COL21A1: variants seen among roughly 807,000 people sequenced by gnomAD.
The protein encoded by COL21A1 is collagen type XXI alpha 1 chain.
Under a neutral mutation model 137.9 loss-of-function variants are expected in COL21A1, and 149 were observed. The observed-to-expected ratio is 1.08, with a 90% CI of 0.95 to 1.24. The LOEUF (loss-of-function observed/expected upper bound fraction) is 1.24. Among genes scored for constraint, COL21A1 ranks in the 50% most tolerant of loss-of-function variants. The pLI is 0.00. For synonymous variants in COL21A1, 456 were observed against 391.5 expected, an observed-to-expected ratio of 1.16 and a Z score of -1.95; for missense variants, 1,167 against 1,158.4, an observed-to-expected ratio of 1.01 and a Z score of -0.11.
chr6:56,131,876 T>A (rs1773579727), intron 12 of COL21A1, among the ~76,000 whole-genome samples: 1 of 152,158 alleles, frequency 6.6e-6, no homozygotes, highest in African/African-American at 2.4e-5. Context: ...AGACTTAACA[T>A]GAAAACAAAG....
chr6:56,131,594 A>T (rs2152223059), intron 12 of COL21A1, among the ~76,000 whole-genome samples: 1 of 152,182 alleles, frequency 6.6e-6, no homozygotes, highest in Non-Finnish European at 1.5e-5. Flanking sequence ...AGGTTCAATA[A>T]ATCCTGTCAA....
At chr6:56,277,938 C>T (rs981578280) in intron 1 of COL21A1, among the ~76,000 whole-genome samples, 9 of 152,138 alleles carry the variant, frequency 5.9e-5, no homozygotes, top group African/African-American at 2.2e-4. Flanking sequence ...TGTTAATTCT[C>T]ATATGTTTTT....
At chr6:56,266,346 G>A (rs1290932254) in intron 1 of COL21A1, among the ~76,000 whole-genome samples, 1 of 152,150 alleles carries the variant, frequency 6.6e-6, no homozygotes, top group Non-Finnish European at 1.5e-5. Context: ...TGGTACCTGT[G>A]TTTATAAATA....
At chr6:56,098,011 AAATATATATAAATATATATG>A (rs1338754299) in intron 17 of COL21A1, among the ~76,000 whole-genome samples, 2 of 68,478 alleles carry the variant, frequency 2.9e-5, no homozygotes, top group African/African-American at 1.4e-4. Flanking sequence ...ATAAATATAT[AAATATATATAAATATATATG>A]TAAATATATA....
At chr6:56,273,426 A>G (rs1763573202) in intron 1 of COL21A1, among the ~76,000 whole-genome samples, 1 of 152,246 alleles carries the variant, frequency 6.6e-6, no homozygotes, top group South Asian at 2.1e-4. Context: ...TAAAAGATCA[A>G]TGAAACCAAA....
intron 1 of COL21A1, among the ~76,000 whole-genome samples, chr6:56,284,118 G>A (rs1010132042): frequency 6.6e-6 from 1 of 152,158 alleles, no homozygotes; most frequent in African/African-American, 2.4e-5. Flanking sequence ...CACCATCTCA[G>A]TTCGTTGCAA....
At chr6:56,348,217 C>A in intron 1 of COL21A1, among the ~76,000 whole-genome samples, 1 of 152,040 alleles carries the variant, frequency 6.6e-6, no homozygotes, top group South Asian at 2.1e-4. Flanking sequence ...CCTTAAGAAG[C>A]TAAGAGTCCA....
chr6:56,086,085 G>A (rs779686975), intron 17 of COL21A1, among the ~76,000 whole-genome samples: 5 of 151,338 alleles, frequency 3.3e-5, no homozygotes, highest in East Asian at 1.9e-4. Flanking sequence ...TTAAATTTAC[G>A]ATTATCTACT....
chr6:56,361,703 A>T (rs77343060), intron 1 of COL21A1, among the ~76,000 whole-genome samples: 1 of 151,416 alleles, frequency 6.6e-6, no homozygotes, highest in Non-Finnish European at 1.5e-5. Flanking sequence ...ATAAAAAAAA[A>T]TCAAAAAGTC....
intron 1 of COL21A1, among the ~76,000 whole-genome samples, chr6:56,329,284 C>A (rs1033751673): frequency 6.6e-6 from 1 of 152,028 alleles, no homozygotes; most frequent in African/African-American, 2.4e-5. Context: ...GATGCACACA[C>A]ACTTAATAAT....
chr6:56,183,817 G>A (rs570792236), intron 1 of COL21A1, among the ~76,000 whole-genome samples: 23 of 152,148 alleles, frequency 1.5e-4, no homozygotes, highest in Non-Finnish European at 8.8e-5. Context: ...TGGAAAACAC[G>A]TACAAAGATG....
At chr6:56,226,840 C>G (rs1399454614) in intron 1 of COL21A1, among the ~76,000 whole-genome samples, 1 of 149,850 alleles carries the variant, frequency 6.7e-6, no homozygotes, top group Non-Finnish European at 1.5e-5. Context: ...TTCGAAGAGA[C>G]TATCAAACTT....
intron 16 of COL21A1, among the ~76,000 whole-genome samples, chr6:56,116,259 C>T (rs757667333): frequency 4.0e-5 from 6 of 151,728 alleles, no homozygotes; most frequent in Non-Finnish European, 8.8e-5. Context: ...AGAAAGGATC[C>T]TAGAAGCAGC....
chr6:56,155,852 C>T (rs1352641159), intron 10 of COL21A1, among the ~76,000 whole-genome samples: 1 of 152,296 alleles, frequency 6.6e-6, no homozygotes, highest in Middle Eastern at 3.4e-3. Context: ...ATCCACCCAC[C>T]TAAGCCTTGT....
intron 1 of COL21A1, chr6:56,276,922 C>T (rs540541267): frequency 5.1e-4 from 202 of 394,244 alleles, no homozygotes; most frequent in African/African-American, 4.0e-3. Context: ...ATTCTACTGC[C>T]TCAGCCTCCC....
At chr6:56,120,650 C>T (rs1456601438) in intron 16 of COL21A1, among the ~76,000 whole-genome samples, 4 of 151,960 alleles carry the variant, frequency 2.6e-5, no homozygotes, top group Non-Finnish European at 5.9e-5. Flanking sequence ...AAAAATTAGC[C>T]GGGCATCATG....
At chr6:56,263,756 G>A (rs1302146142) in intron 1 of COL21A1, among the ~76,000 whole-genome samples, 1 of 152,172 alleles carries the variant, frequency 6.6e-6, no homozygotes, top group Non-Finnish European at 1.5e-5. Context: ...TTAATGTGAA[G>A]CTGTGTTCTT....
chr6:56,336,374 G>A (rs976063889), intron 1 of COL21A1, among the ~76,000 whole-genome samples: 1 of 152,194 alleles, frequency 6.6e-6, no homozygotes, highest in African/African-American at 2.4e-5. Context: ...AAGATATGGA[G>A]TATCCTGTTT....
chr6:56,114,121 TG>T (rs1247818637), intron 16 of COL21A1, among the ~76,000 whole-genome samples: 1 of 152,220 alleles, frequency 6.6e-6, no homozygotes, highest in Non-Finnish European at 1.5e-5. Context: ...TGGACCCATT[TG>T]GGGGTTGGTG....
Sources: allele counts gnomAD v4.1 joint callset (sites outside exome capture counted in the v4.1 genomes callset), GRCh38; gene constraint gnomAD v4.1.1; transcripts MANE v1.5; gene names NCBI Gene and HGNC (gene_info 2026-07-23, HGNC 2026-07-21).